Variants in DDIAS observed in about 807,000 individuals in gnomAD.
The protein encoded by DDIAS is DNA damage-induced apoptosis suppressor protein.
Under a neutral mutation model 15.7 loss-of-function variants are expected in DDIAS, and 14 were observed. The ratio of observed to expected loss-of-function variants is 0.89; its 90% CI spans 0.59 to 1.39. DDIAS has a LOEUF of 1.39. Among genes scored for constraint, DDIAS ranks in the 40% most tolerant of loss-of-function variants. The pLI, the probability that DDIAS is intolerant of heterozygous loss-of-function variation, is 0.00. For missense variants in DDIAS, 1,035 were observed against 1,130.9 expected, an observed-to-expected ratio of 0.92 and a Z score of 1.22; for synonymous variants, 355 against 395.9, an observed-to-expected ratio of 0.90 and a Z score of 1.23.
rs552327879 is a variant in DDIAS, at chr11:82,926,430, A to G, written c.114-2347A>G. ...AATAAAAAAAATAGATACTATTCAC[A>G]TAAACAAAACTCTTTGATATTCTCA... On this transcript the variant is annotated intron_variant, in intron 3 of 5. Coordinates refer to ENST00000533655, the MANE Select transcript of DDIAS (RefSeq NM_145018.4). Among the ~76,000 whole-genome samples, 4 of 152,358 alleles carry G rather than the reference A, an allele frequency of 2.6e-5. No homozygotes were observed. The East Asian group carries it at 5.8e-4, about 22-fold the overall frequency.
At chr11:82,931,263 T>G (rs1860978460) in intron 5 of DDIAS, among the ~76,000 whole-genome samples, 1 of 152,250 alleles carries the variant, frequency 6.6e-6, no homozygotes, top group African/African-American at 2.4e-5. Context: ...CTCTTACATA[T>G]GCTACTTTGC....
At chr11:82,930,066 T>A (rs1860950588) in intron 4 of DDIAS, 91 bp from the exon 5 acceptor site, 1 of 728,416 alleles carries the variant, frequency 1.4e-6, no homozygotes. Flanking sequence ...AGGTTCATGC[T>A]GCATTTTCAA....
chr11:82,933,242 T>C lies in DDIAS; in HGVS notation c.1904T>C (p.Leu635Ser). 7 of 1,612,366 alleles carry C rather than the reference T, an allele frequency of 4.3e-6. No homozygotes were observed. The highest frequency in any genetic ancestry group is 4.2e-6 in the Non-Finnish European group (5 of 1,179,618). Residue 635 changes from leucine to serine, a missense_variant, in exon 6 of 6, where the codon TTA (leucine) becomes TCA (serine). By Grantham distance (145) the Leu-to-Ser change is moderately radical. Coordinates refer to ENST00000533655, the MANE Select transcript of DDIAS (RefSeq NM_145018.4). ...ATTTGCAGGAAACTTACATATCCTT[T>C]AGAAACTCTTTGCAATAGTCCAAAT... Reference protein sequence around the residue: ...FTICRKLTYPLETLCNSPNRS... With the variant: ...FTICRKLTYPSETLCNSPNRS...
intron 5 of DDIAS, among the ~76,000 whole-genome samples, chr11:82,930,651 G>A (rs982641752): frequency 6.6e-6 from 1 of 151,728 alleles, no homozygotes; most frequent in Non-Finnish European, 1.5e-5. Flanking sequence ...GAGAATAATG[G>A]AACACTGAAG....
intron 1 of DDIAS, among the ~76,000 whole-genome samples, chr11:82,910,869 T>C (rs1727938412): frequency 6.6e-6 from 1 of 152,118 alleles, no homozygotes; most frequent in Non-Finnish European, 1.5e-5. Flanking sequence ...AGAACATTGC[T>C]ACAGGCATAC....
At chr11:82,903,928 T>G (rs1860377200) in intron 1 of DDIAS, among the ~76,000 whole-genome samples, 1 of 152,200 alleles carries the variant, frequency 6.6e-6, no homozygotes, top group Non-Finnish European at 1.5e-5. Flanking sequence ...GTGGAACTAG[T>G]TTTTTAAAGG....
chr11:82,914,231 G>A (rs10751082), intron 2 of DDIAS: 99,165 of 216,326 alleles, frequency 0.46, 23,041 homozygotes, highest in Admixed American at 0.53. Context: ...CACCACGCCC[G>A]GCCACAATAC....
In DDIAS at chr11:82,932,371, C is replaced by T. The variant is rs371138284; in HGVS notation, c.1033C>T (p.Arg345Ter). 2.5e-6 allele frequency: 4 copies of T among 1,613,912 alleles called. No individual in the cohort carries two copies. The highest frequency in any genetic ancestry group is 2.2e-5 in the East Asian group (1 of 44,882). Residue 345 changes from arginine to a stop codon, truncating the protein, a stop_gained, in exon 6 of 6, where the codon CGA becomes TGA. Coordinates refer to ENST00000533655, the MANE Select transcript of DDIAS (RefSeq NM_145018.4). LOFTEE classifies it low-confidence loss of function (END_TRUNC). ...NDSNLFSLEMREPLESSNTKS... is the reference protein window; with the variant it reads ...NDSNLFSLEM Reference sequence around the variant, plus strand: ...CTCTAATTTATTCTCTTTGGAAATGCGAGAGCCCCTTGAGTCAAGTAATAC... The same window carrying T: ...CTCTAATTTATTCTCTTTGGAAATGTGAGAGCCCCTTGAGTCAAGTAATAC...
At position 82,931,861 on chromosome 11, in the gene DDIAS, T is replaced by C. The variant is rs767029529; in HGVS notation, c.523T>C (p.Phe175Leu). The change falls in exon 6 of 6, where the codon TTT becomes CTT. Residue 175 changes from phenylalanine to leucine, a missense_variant. By Grantham distance (22) the Phe-to-Leu change is conservative. Transcript: ENST00000533655. The part of the protein sequence containing the change: ...IVLPDPGIAG[F>L]TVIDYFHQLL... ...TCTACCAGACCCAGGTATTGCAGGC[T>C]TTACTGTCATTGACTACTTCCATCA... The C allele has an allele frequency of 6.2e-7, 1 of 1,614,214 alleles. No homozygotes were observed. Among genetic ancestry groups the C allele is most frequent in the Non-Finnish European group, 8.5e-7 (1 of 1,180,048 alleles).
At chr11:82,929,010 T>C (rs893379377) in intron 4 of DDIAS, 72 bp downstream of exon 4, 17 of 1,490,354 alleles carry the variant, frequency 1.1e-5, no homozygotes, top group South Asian at 2.5e-5. Flanking sequence ...TAAGGCAATA[T>C]GCATTTTTGT....
At position 82,933,878 on chromosome 11, in the gene DDIAS, T is replaced by C; in HGVS notation, c.2540T>C (p.Val847Ala). 1 of 1,614,048 alleles carries C rather than the reference T, an allele frequency of 6.2e-7. No homozygotes were observed. Among genetic ancestry groups the C allele is most frequent in the Non-Finnish European group, 8.5e-7 (1 of 1,180,004 alleles). The change falls in exon 6 of 6, where the codon GTT becomes GCT. Residue 847 changes from valine (V) to alanine (A), a missense_variant. Physicochemically the swap from Val to Ala is moderately conservative, Grantham distance 64. Transcript: ENST00000533655. ...PIVSGVSQPDVFNHYPFAECH... is the reference protein window; with the variant it reads ...PIVSGVSQPDAFNHYPFAECH... ...GTATCTGGTGTTTCACAACCAGACG[T>C]TTTCAATCACTACCCTTTTGCTGAG...
intron 3 of DDIAS, among the ~76,000 whole-genome samples, chr11:82,916,373 T>C (rs1037198889): frequency 6.6e-6 from 1 of 152,210 alleles, no homozygotes; most frequent in Admixed American, 6.5e-5. Flanking sequence ...TGGAGCTGAC[T>C]GCCTGGATTC....
At chr11:82,928,495 G>C (rs999125141) in intron 3 of DDIAS, among the ~76,000 whole-genome samples, 1 of 151,932 alleles carries the variant, frequency 6.6e-6, no homozygotes, top group Non-Finnish European at 1.5e-5. Flanking sequence ...CACCGCGCCC[G>C]GCCTTTTCGT....
intron 1 of DDIAS, among the ~76,000 whole-genome samples, chr11:82,910,136 T>C (rs531704018): frequency 3.3e-5 from 5 of 152,330 alleles, no homozygotes; most frequent in Non-Finnish European, 7.4e-5. Flanking sequence ...AATTGAAAGT[T>C]TTTGCCATGT....
chr11:82,934,306 A>G lies in DDIAS; in HGVS notation c.2968A>G (p.Ser990Gly). 1 of 1,599,958 alleles carries G rather than the reference A, an allele frequency of 6.3e-7. No homozygotes were observed. Among genetic ancestry groups the G allele is most frequent in the Non-Finnish European group, 8.5e-7 (1 of 1,175,514 alleles). ...CCCACCTTCAGTGTGTGAAACTCGA[A>G]GTGCTTGGTCACCTGAATTGTTTTC... Reference protein sequence around the residue: ...KGPPSVCETRSAWSPELFS With the variant: ...KGPPSVCETRGAWSPELFS The change falls in exon 6 of 6, where the codon AGT (serine) becomes GGT (glycine). Residue 990 changes from serine (S) to glycine (G), a missense_variant. Coordinates refer to ENST00000533655, the MANE Select transcript of DDIAS (RefSeq NM_145018.4).
chr11:82,926,826 T>C (rs763434200), intron 3 of DDIAS, among the ~76,000 whole-genome samples: 4 of 152,190 alleles, frequency 2.6e-5, no homozygotes, highest in Non-Finnish European at 4.4e-5. Context: ...AAGAAAACTA[T>C]ATAAATAAAT....
chr11:82,926,621 C>T (rs1476172022), intron 3 of DDIAS, among the ~76,000 whole-genome samples: 1 of 152,160 alleles, frequency 6.6e-6, no homozygotes, highest in East Asian at 1.9e-4. Context: ...GCCTAAGGTA[C>T]ATCTGCATCA....
chr11:82,930,045 T>C (rs1342751524), intron 4 of DDIAS, 112 bp from the exon 5 acceptor site: 9 of 611,068 alleles, frequency 1.5e-5, no homozygotes, highest in East Asian at 3.1e-5. Flanking sequence ...TCACTTTTTT[T>C]CCTCTATAAA....
rs1422411001 is a variant in DDIAS, at chr11:82,934,535, T to C, written c.*200T>C. ...TTTTATCTAGAATACTATGATTAGGTAGTTGAGCACTTTATCTTATACTGT... is the reference window on the plus strand; with the variant it reads ...TTTTATCTAGAATACTATGATTAGGCAGTTGAGCACTTTATCTTATACTGT... On this transcript the variant is annotated 3_prime_UTR_variant, in exon 6 of 6. Transcript: ENST00000533655. The C allele has an allele frequency of 1.0e-5, 5 of 496,036 alleles. No individual in the cohort carries two copies. Among genetic ancestry groups the C allele is most frequent in the Non-Finnish European group, 1.7e-5 (5 of 287,950 alleles). The allele number at this position is 496,036 out of a possible 1,614,324, so 30.7% of individuals were successfully genotyped here.
Sources: gnomAD v4.1 joint callset for allele counts (sites outside exome capture counted in the v4.1 genomes callset) on GRCh38, gnomAD v4.1.1 for gene constraint, MANE v1.5 for transcripts, NCBI Gene and HGNC (gene_info 2026-07-23, HGNC 2026-07-21) for gene names.